COX7A2L: variants seen among roughly 807,000 people sequenced by gnomAD.
COX7A2L encodes cytochrome c oxidase subunit 7A2-like, mitochondrial.
COX7A2L carries 18 observed loss-of-function variants against 14.2 expected under a neutral mutation model. The observed-to-expected ratio is 1.27, with a 90% CI of 0.88 to 1.88. The LOEUF is 1.88. COX7A2L is among the 40% of genes most tolerant of loss of function. The probability of loss-of-function intolerance (pLI) is 0.00; values close to 1 mark genes in which losing one functional copy is unlikely to be tolerated. For synonymous variants in COX7A2L, 65 were observed against 57.4 expected (o/e 1.13, Z -0.60); for missense variants, 179 against 138.8 (o/e 1.29, Z -1.46).
In COX7A2L at chr2:42,350,383, C is replaced by T. The variant is rs1055883096; in HGVS notation, c.*836G>A. 1 of 152,076 alleles carries T rather than the reference C, an allele frequency of 6.6e-6. No individual in the cohort carries two copies. Among genetic ancestry groups the T allele is most frequent in the Non-Finnish European group, 1.5e-5 (1 of 68,012 alleles). The allele number at this position is 152,076 out of a possible 1,614,324, so 9.4% of individuals were successfully genotyped here. On this transcript the variant is annotated 3_prime_UTR_variant, in exon 3 of 3. Coordinates refer to ENST00000234301, the MANE Select transcript of COX7A2L (RefSeq NM_004718.4). ...CTCCTATTACTAGACTTTTAAGAAC[C>T]ATTTTATAAAGATTATCTGGTGCCT...
chr2:42,338,024 G>A lies in COX7A2L; in HGVS notation c.193-4155C>T, dbSNP rs992854832. Among the ~76,000 whole-genome samples, 1 of 152,162 alleles carries A rather than the reference G, an allele frequency of 6.6e-6. No individual in the cohort carries two copies. Among genetic ancestry groups the A allele is most frequent in the South Asian group, 2.1e-4 (1 of 4,834 alleles). On this transcript the variant is annotated intron_variant, in intron 2 of 2. Transcript: ENST00000468711. The surrounding 1 kb of genome is among the most constrained non-coding windows in gnomAD (Gnocchi z 4.4). ...CCTAGGCGAGGGAGGGTGTCAGTCTGGGGTATGACTGTGAAGCTCAGCATC... is the reference window on the plus strand; with the variant it reads ...CCTAGGCGAGGGAGGGTGTCAGTCTAGGGTATGACTGTGAAGCTCAGCATC...
chr2:42,342,775 T>A lies in COX7A2L; in HGVS notation c.193-8906A>T, dbSNP rs910589045. On this transcript the variant is annotated intron_variant, in intron 2 of 2. Coordinates refer to the COX7A2L transcript ENST00000468711. This position sits in a 1 kb window ranked among gnomAD's most constrained non-coding sequence, Gnocchi z 4.9. ...GAAAAAAATATGACCTAAAGAATGC[T>A]CTTCCTGGCCATTCAGCGCCCCCCG... Among the ~76,000 whole-genome samples, 1 of 151,834 alleles carries A rather than the reference T, an allele frequency of 6.6e-6. No homozygotes were observed. Among genetic ancestry groups the A allele is most frequent in the Non-Finnish European group, 1.5e-5 (1 of 68,022 alleles).
At chr2:42,341,010 G>A (rs1246781176) in intron 2 of COX7A2L, among the ~76,000 whole-genome samples, 2 of 149,606 alleles carry the variant, frequency 1.3e-5, no homozygotes, top group Admixed American at 6.7e-5. Flanking sequence ...GGCCTCAAGT[G>A]CCCCAGCCTG....
chr2:42,353,326 AACC>A lies in COX7A2L; in HGVS notation c.87_89del (p.Val30del), dbSNP rs746185249. 3.0e-5 allele frequency: 48 copies of A among 1,613,812 alleles called. No homozygotes were observed. Among genetic ancestry groups the A allele is most frequent in the Non-Finnish European group, 3.8e-5 (45 of 1,179,942 alleles). Reference sequence around the variant, plus strand: ...ATATGATAGGTGGTGCTTCTGTGGAAACCACAGGCTTTAATCCCTGTAGAGAAA... The same window carrying A: ...ATATGATAGGTGGTGCTTCTGTGGAAACAGGCTTTAATCCCTGTAGAGAAA... On this transcript the variant is annotated inframe_deletion, in exon 2 of 3. Transcript: ENST00000234301.
intron 1 of COX7A2L, among the ~76,000 whole-genome samples, chr2:42,355,052 C>T (rs937002691): frequency 6.6e-6 from 1 of 152,236 alleles, no homozygotes; most frequent in Admixed American, 6.5e-5. Context: ...TTTCTCAAGT[C>T]CAGAGCCCTG....
upstream of COX7A2L, chr2:42,365,866 T>C (rs1222730742): frequency 6.6e-6 from 1 of 152,162 alleles, no homozygotes; most frequent in Non-Finnish European, 1.5e-5. Flanking sequence ...GTGGTTCTTC[T>C]TCCTAGCGCT....
At chr2:42,367,866 C>T (rs189638015) in intron 1 of COX7A2L, among the ~76,000 whole-genome samples, 1 of 152,234 alleles carries the variant, frequency 6.6e-6, no homozygotes, top group Non-Finnish European at 1.5e-5. Flanking sequence ...ATCTCTTCCA[C>T]CCCCAAACTG....
Position 42,353,265 on chromosome 2 carries a change from CTG to C in COX7A2L, c.149_150del (p.Thr50SerfsTer3), listed in dbSNP as rs1670705125. On this transcript the variant is annotated frameshift_variant, in exon 2 of 3. Coordinates refer to ENST00000234301, the MANE Select transcript of COX7A2L (RefSeq NM_004718.4). LOFTEE classifies it high-confidence loss of function. The stretch of plus-strand genomic sequence containing the variant: ...TTGTTTTTCCCAGCATAATCATACA[CTG>C]TGGAATCGGAGGTCAGTTTAGTTGG... ...ATPTKLTSDS[T>X]VYDYAGKNKV... 1 of 1,614,038 alleles carries C rather than the reference CTG, an allele frequency of 6.2e-7. No individual in the cohort carries two copies. Among genetic ancestry groups the C allele is most frequent in the African/African-American group, 1.3e-5 (1 of 74,896 alleles).
Position 42,339,809 on chromosome 2 carries a change from C to T in COX7A2L, c.193-5940G>A, listed in dbSNP as rs926806935. On this transcript the variant is annotated intron_variant, in intron 2 of 2. Coordinates refer to the COX7A2L transcript ENST00000468711. The surrounding 1 kb of genome is among the most constrained non-coding windows in gnomAD (Gnocchi z 5.4). The stretch of plus-strand genomic sequence containing the variant: ...GGCAGCCTCGACTCTGCCCTCCTGT[C>T]GCCACTGAAGACTTTGGTTTGGTTT... Among the ~76,000 whole-genome samples the T allele has an allele frequency of 6.6e-6, 1 of 152,090 alleles. No individual in the cohort carries two copies. Among genetic ancestry groups the T allele is most frequent in the African/African-American group, 2.4e-5 (1 of 41,396 alleles).
chr2:42,340,860 C>T (rs566278127), intron 2 of COX7A2L, among the ~76,000 whole-genome samples: 2 of 152,292 alleles, frequency 1.3e-5, no homozygotes, highest in East Asian at 1.9e-4. Context: ...GTCTCCACTG[C>T]GCAGCACACT....
chr2:42,350,421 A>G lies in COX7A2L; in HGVS notation c.*798T>C, dbSNP rs1670599088. On this transcript the variant is annotated 3_prime_UTR_variant, in exon 3 of 3. Coordinates refer to ENST00000234301, the MANE Select transcript of COX7A2L (RefSeq NM_004718.4). ...TTATCTGGTGCCTAATTAACAAGAA[A>G]GAAATTAGACTCAGGTTTAAGATGC... 1.3e-5 allele frequency: 2 copies of G among 152,242 alleles called. No homozygotes were observed. Among genetic ancestry groups the G allele is most frequent in the Non-Finnish European group, 2.9e-5 (2 of 68,050 alleles). 9.4% of individuals were successfully genotyped at this position (152,242 alleles called of 1,614,324 possible).
At chr2:42,367,149 A>C (rs1671179630) in intron 1 of COX7A2L, among the ~76,000 whole-genome samples, 1 of 152,222 alleles carries the variant, frequency 6.6e-6, no homozygotes, top group South Asian at 2.1e-4. Flanking sequence ...GCTCCATAGA[A>C]ACTGAAAGTC....
chr2:42,358,865 A>G (rs1382178911), intron 1 of COX7A2L, among the ~76,000 whole-genome samples: 1 of 152,230 alleles, frequency 6.6e-6, no homozygotes, highest in African/African-American at 2.4e-5. Flanking sequence ...GTGTGGTGGT[A>G]CACATCTGTA....
chr2:42,348,776 G>C (rs917502634), downstream of COX7A2L, among the ~76,000 whole-genome samples: 1 of 152,034 alleles, frequency 6.6e-6, no homozygotes, highest in Non-Finnish European at 1.5e-5. Context: ...CAATTAGCTG[G>C]GCATGGTGGT....
In COX7A2L at chr2:42,350,873, C is replaced by A. The variant is rs1670616994; in HGVS notation, c.*346G>T. 1 of 168,384 alleles carries A rather than the reference C, an allele frequency of 5.9e-6. No individual in the cohort carries two copies. Among genetic ancestry groups the A allele is most frequent in the East Asian group, 1.6e-4 (1 of 6,104 alleles). 10.4% of individuals were successfully genotyped at this position (168,384 alleles called of 1,614,324 possible). A position where few individuals can be genotyped will look rare whatever the true frequency, so the allele number is the denominator to read the frequency against. On this transcript the variant is annotated 3_prime_UTR_variant, in exon 3 of 3. Transcript: ENST00000234301. ...ATAGCCACATCCAAATCCAGAAAGGCTCCTGCACCCCATGCTCAAAAATGC... is the reference window on the plus strand; with the variant it reads ...ATAGCCACATCCAAATCCAGAAAGGATCCTGCACCCCATGCTCAAAAATGC...
chr2:42,347,834 C>A (rs920887452), downstream of COX7A2L, among the ~76,000 whole-genome samples: 3 of 152,116 alleles, frequency 2.0e-5, no homozygotes, highest in Admixed American at 6.6e-5. Context: ...GGCAGGAGAA[C>A]TGCTTGAACC....
At chr2:42,347,795 C>T (rs1207065748), downstream of COX7A2L, among the ~76,000 whole-genome samples, 2 of 152,158 alleles carry the variant, frequency 1.3e-5, no homozygotes, top group African/African-American at 4.8e-5. Flanking sequence ...GTGGCGCATG[C>T]CAGTAATTCC....
At chr2:42,360,925 G>C in intron 1 of COX7A2L, 165 bp downstream of exon 1, 1 of 702,956 alleles carries the variant, frequency 1.4e-6, no homozygotes, top group Non-Finnish European at 2.5e-6. Flanking sequence ...AGAAGCCTCA[G>C]TGACCACCGT....
At chr2:42,347,032 C>T (rs1558628804), downstream of COX7A2L, among the ~76,000 whole-genome samples, 2 of 152,024 alleles carry the variant, frequency 1.3e-5, no homozygotes, top group East Asian at 3.9e-4. Flanking sequence ...CTGCCTCAGC[C>T]CTTTTTGTAT....
Sources: allele counts gnomAD v4.1 joint callset (sites outside exome capture counted in the v4.1 genomes callset), GRCh38; gene constraint gnomAD v4.1.1; non-coding constraint Gnocchi (gnomAD v3.1); transcripts MANE v1.5; gene names NCBI Gene and HGNC (gene_info 2026-07-23, HGNC 2026-07-21).